Variants in CWF19L2 observed in about 807,000 individuals in gnomAD.
CWF19L2 encodes the protein CWF19-like protein 2.
CWF19L2 carries 98 observed loss-of-function variants against 111.7 expected under a neutral mutation model. The observed-to-expected ratio is 0.88, with a 90% CI of 0.75 to 1.04. The LOEUF is 1.04. Ranked by LOEUF, CWF19L2 falls within the 50% of genes least tolerant of loss-of-function variation. The pLI is 0.00. For missense variants in CWF19L2, 1,101 were observed against 1,051.4 expected, an observed-to-expected ratio of 1.05 and a Z score of -0.65; for synonymous variants, 351 against 342.9, an observed-to-expected ratio of 1.02 and a Z score of -0.26.
chr11:107,338,970 G>A (rs776205525), intron 14 of CWF19L2, among the ~76,000 whole-genome samples: 20 of 152,170 alleles, frequency 1.3e-4, no homozygotes, highest in Middle Eastern at 3.4e-3. Flanking sequence ...TATGCCTCTA[G>A]GTCTTTGAGG....
intron 10 of CWF19L2, among the ~76,000 whole-genome samples, chr11:107,411,054 T>A (rs1861149516): frequency 6.7e-6 from 1 of 150,066 alleles, no homozygotes; most frequent in African/African-American, 2.5e-5. Context: ...GTCTATGCTT[T>A]TATAAGAGTG....
intron 4 of CWF19L2, among the ~76,000 whole-genome samples, chr11:107,442,482 G>C (rs1181520901): frequency 6.6e-6 from 1 of 151,704 alleles, no homozygotes; most frequent in East Asian, 2.0e-4. Flanking sequence ...AGGAGTTTGA[G>C]ACCCAGTCTA....
At chr11:107,433,877 A>ATT (rs1306226701) in intron 6 of CWF19L2, 128 bp from the exon 7 acceptor site, 4 of 108,894 alleles carry the variant, frequency 3.7e-5, no homozygotes, top group Admixed American at 1.2e-4. Context: ...TGCCTTTGGA[A>ATT]TTTTATATAT....
At chr11:107,433,026 A>T (rs1456253055) in intron 7 of CWF19L2, among the ~76,000 whole-genome samples, 1 of 152,230 alleles carries the variant, frequency 6.6e-6, no homozygotes, top group Non-Finnish European at 1.5e-5. Flanking sequence ...TATTAAGTTT[A>T]AAAAGCCAGG....
At chr11:107,344,160 C>T (rs1376538820) in intron 14 of CWF19L2, among the ~76,000 whole-genome samples, 1 of 152,142 alleles carries the variant, frequency 6.6e-6, no homozygotes, top group Admixed American at 6.5e-5. Context: ...TTGCAGTGAG[C>T]CAAAATCACG....
At chr11:107,381,310 T>C (rs1479150841) in intron 12 of CWF19L2, among the ~76,000 whole-genome samples, 7 of 152,192 alleles carry the variant, frequency 4.6e-5, no homozygotes, top group Admixed American at 3.3e-4. Context: ...ATTCTTCTTA[T>C]GATCCCACCT....
intron 12 of CWF19L2, among the ~76,000 whole-genome samples, chr11:107,384,780 A>G (rs1860740654): frequency 6.6e-6 from 1 of 152,252 alleles, no homozygotes; most frequent in South Asian, 2.1e-4. Flanking sequence ...CCTTTACAAG[A>G]AAAGTTTGCC....
At chr11:107,357,821 A>G (rs553778089) in intron 12 of CWF19L2, among the ~76,000 whole-genome samples, 1 of 152,324 alleles carries the variant, frequency 6.6e-6, no homozygotes, top group East Asian at 1.9e-4. Flanking sequence ...TTTGAGAGTA[A>G]CAATCAACAT....
At chr11:107,379,993 G>C (rs1393964800) in intron 12 of CWF19L2, among the ~76,000 whole-genome samples, 6 of 130,478 alleles carry the variant, frequency 4.6e-5, no homozygotes, top group Non-Finnish European at 6.2e-5. Context: ...CTTGCAGTGA[G>C]CTGAGATCGT....
intron 12 of CWF19L2, among the ~76,000 whole-genome samples, chr11:107,381,175 T>G (rs1219079571): frequency 6.6e-6 from 1 of 152,174 alleles, no homozygotes; most frequent in Non-Finnish European, 1.5e-5. Flanking sequence ...GCAAAATATT[T>G]CAATTTATTA....
At position 107,336,621 on chromosome 11, in the gene CWF19L2, G is replaced by A. The variant is rs147305723; in HGVS notation, c.2295C>T (p.His765=). The A allele has an allele frequency of 1.2e-5, 19 of 1,606,646 alleles. No homozygotes were observed. The highest frequency in any genetic ancestry group is 1.5e-5 in the Non-Finnish European group (18 of 1,176,268). ...ETNMSMKKQY[H]MVYECIPLPK... is the part of the protein sequence containing the mutation. ...GAAGAGGAATACATTCATAAACCAT[G>A]TGATACTGTTTCTTCATGCTCATAT... The change falls in exon 15 of 18, where the codon CAC becomes CAT. Residue 765 remains histidine, a synonymous_variant. Transcript: ENST00000282251.
At chr11:107,440,332 T>C (rs544076576) in intron 5 of CWF19L2, among the ~76,000 whole-genome samples, 14 of 152,346 alleles carry the variant, frequency 9.2e-5, no homozygotes, top group Admixed American at 9.1e-4. Flanking sequence ...TAAAATGCTC[T>C]GTAAAATTTG....
intron 12 of CWF19L2, among the ~76,000 whole-genome samples, chr11:107,359,823 T>A (rs1860296407): frequency 1.3e-5 from 2 of 151,868 alleles, no homozygotes; most frequent in Admixed American, 6.6e-5. Flanking sequence ...TCACCGAACT[T>A]GAAGTTGAGA....
chr11:107,407,588 A>G (rs922658117), intron 10 of CWF19L2, among the ~76,000 whole-genome samples: 1 of 151,964 alleles, frequency 6.6e-6, no homozygotes, highest in Non-Finnish European at 1.5e-5. Context: ...TGAGAAAAAA[A>G]TAATGAGCAT....
chr11:107,353,821 T>C, intron 12 of CWF19L2, 85 bp from the exon 13 acceptor site: 1 of 966,854 alleles, frequency 1.0e-6, no homozygotes, highest in Non-Finnish European at 1.6e-6. Flanking sequence ...TCTGTATCTG[T>C]AAGTTCTATG....
chr11:107,447,218 C>A (rs923833001), intron 3 of CWF19L2, among the ~76,000 whole-genome samples: 17 of 152,116 alleles, frequency 1.1e-4, no homozygotes, highest in Admixed American at 6.5e-5. Context: ...GTAACCCAAG[C>A]AGAACATGAA....
At chr11:107,407,848 A>AT (rs984512068) in intron 10 of CWF19L2, among the ~76,000 whole-genome samples, 1 of 152,058 alleles carries the variant, frequency 6.6e-6, no homozygotes, top group East Asian at 1.9e-4. Context: ...AATAAAAAAA[A>AT]TTTTTTAACT....
intron 1 of CWF19L2, among the ~76,000 whole-genome samples, chr11:107,456,648 A>T (rs1470102765): frequency 6.6e-6 from 1 of 152,104 alleles, no homozygotes; most frequent in Non-Finnish European, 1.5e-5. Flanking sequence ...AAGAACTAGA[A>T]GAGTTAATAT....
At chr11:107,453,020 A>C (rs1256514490) in intron 3 of CWF19L2, among the ~76,000 whole-genome samples, 1 of 152,172 alleles carries the variant, frequency 6.6e-6, no homozygotes, top group Non-Finnish European at 1.5e-5. Flanking sequence ...TAACATAAAC[A>C]TAGGAGAAAT....
Sources: allele counts gnomAD v4.1 joint callset (sites outside exome capture counted in the v4.1 genomes callset), GRCh38; gene constraint gnomAD v4.1.1; transcripts MANE v1.5; gene names NCBI Gene and HGNC (gene_info 2026-07-23, HGNC 2026-07-21).